CYTIP: variants seen among roughly 807,000 people sequenced by gnomAD.
CYTIP encodes cytohesin 1 interacting protein.
In CYTIP, 26 loss-of-function variants were observed where a neutral mutation model predicts 43.8. That is an observed-to-expected ratio of 0.59 (90% CI 0.44 to 0.82). The LOEUF (loss-of-function observed/expected upper bound fraction) is 0.82. Ranked by LOEUF, CYTIP falls within the 40% of genes least tolerant of loss-of-function variation. CYTIP has a pLI of 0.00. For synonymous variants in CYTIP, 162 were observed against 162.9 expected (o/e 0.99, Z 0.04); for missense variants, 426 against 443.1 (o/e 0.96, Z 0.35).
At chr2:157,429,330 T>TTTAGA (rs1464804408) in intron 5 of CYTIP, among the ~76,000 whole-genome samples, 77 of 152,326 alleles carry the variant, frequency 5.1e-4, no homozygotes, top group African/African-American at 1.9e-3. Context: ...TTGACCATCC[T>TTTAGA]TCTCTTCATT....
In CYTIP at chr2:157,415,168, A is replaced by T. The variant is rs1003081005; in HGVS notation, c.*509T>A. 2.6e-5 allele frequency: 4 copies of T among 155,960 alleles called. No homozygotes were observed. Among genetic ancestry groups the T allele is most frequent in the Non-Finnish European group, 4.3e-5 (3 of 70,252 alleles). The allele number at this position is 155,960 out of a possible 1,614,324, so 9.7% of individuals were successfully genotyped here. ...TCACTATAGATGTGAGAAACAGCTG[A>T]TGGTCATCTTTGTTTACAAGCCATT... On this transcript the variant is annotated 3_prime_UTR_variant, in exon 8 of 8. Transcript: ENST00000264192.
chr2:157,434,163 G>T (rs972031729), intron 3 of CYTIP: 4 of 601,790 alleles, frequency 6.6e-6, no homozygotes, highest in Non-Finnish European at 1.2e-5. Flanking sequence ...TGAGCATATC[G>T]CAGAGGTTTT....
At chr2:157,423,636 G>A (rs938631187) in intron 6 of CYTIP, among the ~76,000 whole-genome samples, 2 of 151,840 alleles carry the variant, frequency 1.3e-5, no homozygotes, top group African/African-American at 4.8e-5. Flanking sequence ...CATGCTAAGA[G>A]TCTAGTAAAC....
At chr2:157,426,332 C>T (rs1202171599) in intron 6 of CYTIP, among the ~76,000 whole-genome samples, 4 of 152,034 alleles carry the variant, frequency 2.6e-5, no homozygotes, top group Non-Finnish European at 4.4e-5. Flanking sequence ...AATTCAATTC[C>T]TGTCAAAATT....
At chr2:157,422,334 T>A (rs376167278) in intron 6 of CYTIP, among the ~76,000 whole-genome samples, 22 of 152,328 alleles carry the variant, frequency 1.4e-4, no homozygotes, top group African/African-American at 5.1e-4. Context: ...ATAAAATTGA[T>A]AATTTGTGCA....
chr2:157,416,818 T>C (rs1318050012), intron 7 of CYTIP, among the ~76,000 whole-genome samples: 1 of 152,234 alleles, frequency 6.6e-6, no homozygotes, highest in Non-Finnish European at 1.5e-5. Flanking sequence ...AGTAATAATT[T>C]ATTTGAAGAA....
At chr2:157,428,810 C>G (rs151067502) in intron 5 of CYTIP, among the ~76,000 whole-genome samples, 99 of 152,312 alleles carry the variant, frequency 6.5e-4, no homozygotes, top group Admixed American at 1.7e-3. Flanking sequence ...TTTGTTACCA[C>G]CACCATCTTT....
At chr2:157,428,299 T>C (rs528911763) in intron 5 of CYTIP, among the ~76,000 whole-genome samples, 3 of 152,314 alleles carry the variant, frequency 2.0e-5, no homozygotes, top group African/African-American at 7.2e-5. Context: ...TACCTCTCTA[T>C]AAAGATGCAA....
In CYTIP at chr2:157,427,332, C is replaced by T; in HGVS notation, c.546+19G>A. ...ATTCAAGGATGAAAAATGTGCCTCACTGCATTAAATTAAATTACCTTTAAA... is the reference window on the plus strand; with the variant it reads ...ATTCAAGGATGAAAAATGTGCCTCATTGCATTAAATTAAATTACCTTTAAA... On this transcript the variant is annotated intron_variant, in intron 6 of 7. Transcript: ENST00000264192. 2 of 1,592,708 alleles carry T rather than the reference C, an allele frequency of 1.3e-6. No homozygotes were observed. The highest frequency in any genetic ancestry group is 8.5e-7 in the Non-Finnish European group (1 of 1,169,984).
At chr2:157,442,993 A>T (rs566676467) in intron 1 of CYTIP, among the ~76,000 whole-genome samples, 69 of 151,920 alleles carry the variant, frequency 4.5e-4, no homozygotes, top group African/African-American at 1.6e-3. Flanking sequence ...TATTATGGTT[A>T]AAAAAAAATT....
chr2:157,426,529 A>G (rs138566850), intron 6 of CYTIP, among the ~76,000 whole-genome samples: 88 of 152,344 alleles, frequency 5.8e-4, no homozygotes, highest in African/African-American at 2.1e-3. Context: ...ATAAGCTCAT[A>G]TTTCATGAAG....
chr2:157,425,212 T>C (rs1573856449), intron 6 of CYTIP, among the ~76,000 whole-genome samples: 2 of 152,248 alleles, frequency 1.3e-5, no homozygotes, highest in African/African-American at 4.8e-5. Flanking sequence ...CTTAGAATAA[T>C]TCAATTACCT....
chr2:157,435,101 A>G (rs1374531226), intron 1 of CYTIP, among the ~76,000 whole-genome samples: 1 of 152,122 alleles, frequency 6.6e-6, no homozygotes, highest in East Asian at 1.9e-4. Context: ...AAAACTCCAA[A>G]GCTTCCAAAG....
intron 1 of CYTIP, among the ~76,000 whole-genome samples, chr2:157,437,590 C>T (rs1685831805): frequency 1.3e-5 from 2 of 151,092 alleles, no homozygotes; most frequent in Non-Finnish European, 2.9e-5. Context: ...ATCCCAGATA[C>T]TAGGGAAGCT....
At chr2:157,432,156 C>T (rs1222840316) in intron 3 of CYTIP, among the ~76,000 whole-genome samples, 1 of 152,140 alleles carries the variant, frequency 6.6e-6, no homozygotes, top group Non-Finnish European at 1.5e-5. Flanking sequence ...TTTGGGAAAC[C>T]ACTGTTCTAA....
intron 1 of CYTIP, chr2:157,439,066 A>G (rs1685861301): frequency 4.8e-6 from 1 of 208,574 alleles, no homozygotes; most frequent in South Asian, 6.1e-5. Flanking sequence ...TATCTAGCTA[A>G]TTGACTAGTT....
chr2:157,438,327 G>T (rs1172064090), intron 1 of CYTIP, among the ~76,000 whole-genome samples: 1 of 152,116 alleles, frequency 6.6e-6, no homozygotes, highest in Non-Finnish European at 1.5e-5. Context: ...AAAAAAAGTT[G>T]ATCTCATAGA....
chr2:157,425,109 T>C (rs1203662425), intron 6 of CYTIP, among the ~76,000 whole-genome samples: 1 of 152,130 alleles, frequency 6.6e-6, no homozygotes, highest in Non-Finnish European at 1.5e-5. Flanking sequence ...GCAGAAAATA[T>C]AGATTACCTG....
intron 6 of CYTIP, among the ~76,000 whole-genome samples, chr2:157,422,395 C>T (rs1412180239): frequency 1.3e-5 from 2 of 152,144 alleles, no homozygotes; most frequent in South Asian, 2.1e-4. Context: ...AGGCCAGGTG[C>T]GGTGACTCAC....
Sources: gnomAD v4.1 joint callset for allele counts (sites outside exome capture counted in the v4.1 genomes callset) on GRCh38, gnomAD v4.1.1 for gene constraint, MANE v1.5 for transcripts, NCBI Gene and HGNC (gene_info 2026-07-23, HGNC 2026-07-21) for gene names.